Variants in THOC5 observed in about 807,000 individuals in gnomAD.
THOC5 encodes the protein THO complex subunit 5, also known as Fms-interacting protein.
A neutral mutation model predicts 92.9 loss-of-function variants in THOC5; 43 were observed. The ratio of observed to expected loss-of-function variants is 0.46; its 90% CI spans 0.36 to 0.60. The LOEUF (loss-of-function observed/expected upper bound fraction) is 0.60. THOC5 is among the 20% of genes least tolerant of loss of function. THOC5 has a pLI of 0.00. For synonymous variants in THOC5, 296 were observed against 320.1 expected, an observed-to-expected ratio of 0.92 and a Z score of 0.80; for missense variants, 659 against 849.4, an observed-to-expected ratio of 0.78 and a Z score of 2.79.
At chr22:29,528,583 T>C in intron 9 of THOC5, 117 bp from the exon 10 acceptor site, 1 of 962,276 alleles carries the variant, frequency 1.0e-6, no homozygotes, top group South Asian at 1.4e-5. Flanking sequence ...TAAGTTTCTC[T>C]GTAATAAATA....
intron 8 of THOC5, among the ~76,000 whole-genome samples, chr22:29,530,927 T>TCA (rs1173884992): frequency 1.3e-5 from 2 of 152,158 alleles, no homozygotes; most frequent in East Asian, 1.9e-4. Flanking sequence ...CCTATGTGAA[T>TCA]CACCACCCTT....
chr22:29,527,979 T>C, intron 11 of THOC5, 99 bp downstream of exon 11: 1 of 1,077,856 alleles, frequency 9.3e-7, no homozygotes, highest in Non-Finnish European at 1.4e-6. Context: ...GAATCCTTTG[T>C]TGGGCAAATG....
At position 29,548,096 on chromosome 22, in the gene THOC5, G is replaced by A. The variant is rs117286011; in HGVS notation, c.96+956C>T. ...TAATAAGAACAGCATGGGAAAGACC[G>A]GCCCCCATGATTCAATTACCTCCTC... On this transcript the variant is annotated intron_variant, in intron 2 of 19. Coordinates refer to ENST00000490103, the MANE Select transcript of THOC5 (RefSeq NM_003678.5). Among the ~76,000 whole-genome samples, 42 of 152,170 alleles carry A rather than the reference G, an allele frequency of 2.8e-4. 1 individual carries two copies. Among genetic ancestry groups the A allele is most frequent in the African/African-American group, 8.7e-4 (36 of 41,528 alleles).
chr22:29,509,570 G>C (rs1371689565), intron 19 of THOC5, among the ~76,000 whole-genome samples: 1 of 152,246 alleles, frequency 6.6e-6, no homozygotes, highest in Non-Finnish European at 1.5e-5. Flanking sequence ...GAGGTGAAAG[G>C]ATGCTGGGAC....
At chr22:29,508,970 G>A (rs1355058615) in intron 19 of THOC5, among the ~76,000 whole-genome samples, 1 of 151,988 alleles carries the variant, frequency 6.6e-6, no homozygotes. Context: ...TTTAGGTTGA[G>A]GTTTAGTTTA....
At chr22:29,508,632 A>C in intron 19 of THOC5, 112 bp from the exon 20 acceptor site, 1 of 962,384 alleles carries the variant, frequency 1.0e-6, no homozygotes, top group Non-Finnish European at 1.6e-6. Context: ...ATGACACAGA[A>C]TGTTGTTGAG....
chr22:29,520,937 C>T, intron 13 of THOC5, 61 bp downstream of exon 13: 3 of 1,352,670 alleles, frequency 2.2e-6, no homozygotes, highest in Non-Finnish European at 3.2e-6. Context: ...CAGCATTTAG[C>T]TTGAGCCACC....
At chr22:29,539,251 GTGTTTTGCTGCCT>G in intron 6 of THOC5, 66 bp downstream of exon 6, 1 of 1,452,888 alleles carries the variant, frequency 6.9e-7, no homozygotes, top group Non-Finnish European at 9.4e-7. Flanking sequence ...GAGTTGCACA[GTGTTTTGCTGCCT>G]TATCCTGGGT....
chr22:29,518,008 C>T (rs555269317), intron 15 of THOC5, among the ~76,000 whole-genome samples: 19 of 152,226 alleles, frequency 1.2e-4, no homozygotes, highest in Non-Finnish European at 2.5e-4. Flanking sequence ...AAACCCAATG[C>T]CTTTCCTGAC....
At position 29,528,126 on chromosome 22, in the gene THOC5, T is replaced by A. The variant is rs2063579013; in HGVS notation, c.1018A>T (p.Met340Leu). Reference protein sequence around the residue: ...GVQLDDKRKEMLKRHPLSVML... With the variant: ...GVQLDDKRKELLKRHPLSVML... The stretch of plus-strand genomic sequence containing the variant: ...ACAGACAGTGGGTGCCTCTTCAGCA[T>A]CTCCTTGCGTTTGTCGTCCAACTGA... The change falls in exon 11 of 20, where the codon ATG becomes TTG. Residue 340 changes from methionine to leucine, a missense_variant. Met to Leu is a conservative substitution (Grantham distance 15). Transcript: ENST00000490103. The A allele has an allele frequency of 6.2e-7, 1 of 1,614,166 alleles. No homozygotes were observed. Among genetic ancestry groups the A allele is most frequent in the Non-Finnish European group, 8.5e-7 (1 of 1,180,024 alleles).
At chr22:29,522,955 C>T (rs1186562179) in intron 12 of THOC5, among the ~76,000 whole-genome samples, 2 of 151,962 alleles carry the variant, frequency 1.3e-5, no homozygotes, top group African/African-American at 2.4e-5. Flanking sequence ...GAGCTGAGAT[C>T]GTACCACTGC....
At chr22:29,538,903 G>C (rs765823349) in intron 6 of THOC5, among the ~76,000 whole-genome samples, 1 of 151,096 alleles carries the variant, frequency 6.6e-6, no homozygotes, top group Non-Finnish European at 1.5e-5. Flanking sequence ...TTGAGGTCAG[G>C]AGTTTGAGAT....
At chr22:29,517,951 T>C (rs1267981997) in intron 15 of THOC5, among the ~76,000 whole-genome samples, 1 of 152,174 alleles carries the variant, frequency 6.6e-6, no homozygotes, top group Non-Finnish European at 1.5e-5. Context: ...TCGGCAGCCA[T>C]GTGGAGTCTA....
At position 29,531,970 on chromosome 22, in the gene THOC5, A is replaced by G. The variant is rs1263574210; in HGVS notation, c.715-7T>C. 7.4e-6 allele frequency: 12 copies of G among 1,613,214 alleles called. No individual in the cohort carries two copies. Among genetic ancestry groups the G allele is most frequent in the Non-Finnish European group, 1.0e-5 (12 of 1,179,428 alleles). ...CCTGCACCGGAAGGGAAGCCTGCAC[A>G]CAAGAGACAGATTTTTGTTCTTCCT... On this transcript the variant is annotated splice_polypyrimidine_tract_variant and splice_region_variant and intron_variant, in intron 7 of 19. Coordinates refer to ENST00000490103, the MANE Select transcript of THOC5 (RefSeq NM_003678.5).
intron 12 of THOC5, among the ~76,000 whole-genome samples, chr22:29,523,544 C>G (rs1423466053): frequency 6.6e-6 from 1 of 152,130 alleles, no homozygotes; most frequent in East Asian, 1.9e-4. Context: ...TTTAACGATA[C>G]CACAGGGACG....
intron 5 of THOC5, among the ~76,000 whole-genome samples, chr22:29,540,164 T>C (rs1207854496): frequency 6.6e-6 from 1 of 151,904 alleles, no homozygotes; most frequent in Non-Finnish European, 1.5e-5. Context: ...CCCAGCTACT[T>C]AGGAGGCTGA....
chr22:29,520,480 G>GTT (rs200955877), intron 13 of THOC5, among the ~76,000 whole-genome samples: 5 of 151,720 alleles, frequency 3.3e-5, no homozygotes, highest in African/African-American at 1.2e-4. Flanking sequence ...CTTCCAGAGG[G>GTT]TTTTTTTTGT....
intron 6 of THOC5, 102 bp downstream of exon 6, chr22:29,539,228 G>A (rs2063828898): frequency 1.7e-5 from 21 of 1,267,920 alleles, no homozygotes; most frequent in Non-Finnish European, 2.2e-5. Flanking sequence ...TTTGGTCTTA[G>A]AAACTATTCT....
Position 29,525,837 on chromosome 22 carries a change from C to T in THOC5, c.1175+1G>A. 1.2e-6 allele frequency: 2 copies of T among 1,613,170 alleles called. No individual in the cohort carries two copies. The highest frequency in any genetic ancestry group is 1.7e-6 in the Non-Finnish European group (2 of 1,179,434). ...CATTGCCCAGAGCGCCTGCTCAATACCCTGCACTGATGGGGGTGATCAGCT... is the reference window on the plus strand; with the variant it reads ...CATTGCCCAGAGCGCCTGCTCAATATCCTGCACTGATGGGGGTGATCAGCT... On this transcript the variant is annotated splice_donor_variant, in intron 12 of 19. Coordinates refer to ENST00000490103, the MANE Select transcript of THOC5 (RefSeq NM_003678.5). LOFTEE classifies it high-confidence loss of function.
Sources: gnomAD v4.1 joint callset for allele counts (sites outside exome capture counted in the v4.1 genomes callset) on GRCh38, gnomAD v4.1.1 for gene constraint, MANE v1.5 for transcripts, NCBI Gene and HGNC (gene_info 2026-07-23, HGNC 2026-07-21) for gene names.